Variants in ULK1 observed in about 807,000 individuals in gnomAD.
ULK1 encodes unc-51 like autophagy activating kinase 1.
Under a neutral mutation model 117.5 loss-of-function variants are expected in ULK1, and 48 were observed. That is an observed-to-expected ratio of 0.41 (90% confidence interval 0.32 to 0.52). ULK1 has a LOEUF of 0.52. Among genes scored for constraint, ULK1 ranks in the 20% least tolerant of loss-of-function variants. The probability of loss-of-function intolerance (pLI) is 0.29; values close to 1 mark genes in which losing one functional copy is unlikely to be tolerated. For missense variants in ULK1, 1,387 were observed against 1,473.4 expected (o/e 0.94, Z 0.96); for synonymous variants, 790 against 637.8 (o/e 1.24, Z -3.60).
At chr12:131,907,457 G>T in intron 4 of ULK1, 38 bp from the exon 5 acceptor site, 1 of 1,609,768 alleles carries the variant, frequency 6.2e-7, no homozygotes. Context: ...TGGGCCCTGG[G>T]CCCTGCTGCA....
intron 3 of ULK1, chr12:131,897,259 A>C (rs1593256974): frequency 6.6e-6 from 1 of 152,356 alleles, no homozygotes; most frequent in East Asian, 1.9e-4. Context: ...TGTTTGAGGC[A>C]GGCACCCAAA....
rs530350054 is a variant in ULK1, at chr12:131,905,969, T to TGAGAC, written c.247-921_247-917dup. On this transcript the variant is annotated intron_variant, in intron 3 of 27. Coordinates refer to ENST00000321867, the MANE Select transcript of ULK1 (RefSeq NM_003565.4). ...TTGGCCCAGCAGCGGAGGGGGTGGC[T>TGAGAC]GAGACGCCTCTGACCGAAGGCATTG... Among the ~76,000 whole-genome samples the TGAGAC allele has an allele frequency of 2.6e-5, 4 of 152,330 alleles. No individual in the cohort carries two copies. The East Asian group carries it at 7.7e-4, about 29-fold the overall frequency.
chr12:131,908,482 C>A, intron 5 of ULK1, 162 bp from the exon 6 acceptor site: 3 of 799,164 alleles, frequency 3.8e-6, no homozygotes, highest in Non-Finnish European at 5.5e-6. Context: ...CTGGTCTCGG[C>A]GGCCCGTGGT....
intron 3 of ULK1, among the ~76,000 whole-genome samples, chr12:131,901,016 A>G (rs2136380829): frequency 6.6e-6 from 1 of 151,848 alleles, no homozygotes. Flanking sequence ...CAGTTCTGGA[A>G]TTACCTCCGA....
At chr12:131,901,355 CAAAAAAA>C (rs199720837) in intron 3 of ULK1, among the ~76,000 whole-genome samples, 3,265 of 100,862 alleles carry the variant, frequency 0.032, 171 homozygotes, top group South Asian at 0.14. Context: ...AGACTCGTCT[CAAAAAAA>C]AAAAAAAGAA....
At chr12:131,919,673 G>A in intron 25 of ULK1, 83 bp downstream of exon 25, 2 of 1,457,662 alleles carry the variant, frequency 1.4e-6, no homozygotes, top group Non-Finnish European at 1.9e-6. Context: ...GGGTAACAGG[G>A]AGGCTGCTTG....
At chr12:131,901,805 G>A (rs1889101216) in intron 3 of ULK1, among the ~76,000 whole-genome samples, 1 of 152,064 alleles carries the variant, frequency 6.6e-6, no homozygotes, top group South Asian at 2.1e-4. Context: ...TTACTGGGGT[G>A]TGCGCCAACT....
At chr12:131,910,464 C>T (rs556258132) in intron 11 of ULK1, among the ~76,000 whole-genome samples, 160 bp downstream of exon 11, 1 of 152,244 alleles carries the variant, frequency 6.6e-6, no homozygotes. Context: ...TCTGCTGCAG[C>T]GGGGACCCCA....
At chr12:131,900,916 G>A (rs551366782) in intron 3 of ULK1, among the ~76,000 whole-genome samples, 120 of 152,324 alleles carry the variant, frequency 7.9e-4, no homozygotes, top group Non-Finnish European at 2.8e-4. Flanking sequence ...TGCAGTGTGA[G>A]TTGGGGCAGG....
rs998943309 is a variant in ULK1, at chr12:131,913,049, C to T, written c.1097-149C>T. ...GAGGATGCAGCCTGGACTGTACCAC[C>T]CAGGCTCTGCCCCCCGCAAGGCCGC... is the stretch of plus-strand genomic sequence containing the variant. On this transcript the variant is annotated intron_variant, in intron 13 of 27. Transcript: ENST00000321867. The T allele has an allele frequency of 3.3e-5, 22 of 670,152 alleles. No individual in the cohort carries two copies. The Middle Eastern group carries it at 1.3e-3, about 39-fold the overall frequency. 41.5% of individuals were successfully genotyped at this position (670,152 alleles called of 1,614,324 possible). A position where few individuals can be genotyped will look rare whatever the true frequency, so the allele number is the denominator to read the frequency against.
At chr12:131,909,368 C>T (rs1889419277) in intron 8 of ULK1, 131 bp downstream of exon 8, 12 of 1,063,014 alleles carry the variant, frequency 1.1e-5, no homozygotes, top group Non-Finnish European at 1.4e-5. Context: ...GCGGGGCGGG[C>T]GTCCAGGGGT....
At position 131,908,807 on chromosome 12, in the gene ULK1, C is replaced by T. The variant is rs755560080; in HGVS notation, c.480C>T (p.Arg160=). Residue 160 remains arginine, a synonymous_variant, in exon 6 of 28, where the codon CGC becomes CGT. Transcript: ENST00000321867. Reference sequence around the variant, plus strand: ...GCCGCGCCAACCCCAACAGCATCCGCGTCAAGATCGGTCAGCCCGCGGGCA... The same window carrying T: ...GCCGCGCCAACCCCAACAGCATCCGTGTCAAGATCGGTCAGCCCGCGGGCA... The part of the protein sequence containing the change: ...AGRRANPNSI[R]VKIADFGFAR... The T allele has an allele frequency of 1.2e-6, 2 of 1,606,434 alleles. No homozygotes were observed. Among genetic ancestry groups the T allele is most frequent in the Non-Finnish European group, 8.5e-7 (1 of 1,177,168 alleles).
chr12:131,915,937 C>A lies in ULK1; in HGVS notation c.1656C>A (p.Cys552Ter). 6.2e-7 allele frequency: 1 copy of A among 1,612,424 alleles called. No homozygotes were observed. Among genetic ancestry groups the A allele is most frequent in the Non-Finnish European group, 8.5e-7 (1 of 1,179,834 alleles). Reference sequence around the variant, plus strand: ...CTCCCCGCACTTCCGGGCTGGGCTGCCGCCTGCACAGCGCCCCCAACCTGT... The same window carrying A: ...CTCCCCGCACTTCCGGGCTGGGCTGACGCCTGCACAGCGCCCCCAACCTGT... Reference protein sequence around the residue: ...EHSPRTSGLGCRLHSAPNLSD... With the variant: ...EHSPRTSGLG The change falls in exon 19 of 28, where the codon TGC becomes TGA. Residue 552 changes from cysteine (C) to a stop codon, truncating the protein, a stop_gained. Coordinates refer to ENST00000321867, the MANE Select transcript of ULK1 (RefSeq NM_003565.4). LOFTEE classifies it high-confidence loss of function.
intron 3 of ULK1, among the ~76,000 whole-genome samples, chr12:131,896,251 G>A (rs946088140): frequency 4.6e-5 from 7 of 152,198 alleles, no homozygotes; most frequent in African/African-American, 1.4e-4. Context: ...GGGAGGGGCC[G>A]CCGGAGACTC....
chr12:131,921,889 GCGATTCCTGGCAGTGGCCTGGTGTT>G lies in ULK1; in HGVS notation c.*529_*553del. On this transcript the variant is annotated 3_prime_UTR_variant, in exon 28 of 28. Transcript: ENST00000321867. ...GGACCTCACCAGGGACTGCTGGGCA[GCGATTCCTGGCAGTGGCCTGGTGTT>G]TGTACATACACATATGCAGACACAT... 6.6e-6 allele frequency: 3 copies of G among 457,870 alleles called. No homozygotes were observed. Among genetic ancestry groups the G allele is most frequent in the Non-Finnish European group, 1.3e-5 (3 of 227,990 alleles). The allele number at this position is 457,870 out of a possible 1,614,324, so 28.4% of individuals were successfully genotyped here.
intron 5 of ULK1, among the ~76,000 whole-genome samples, 200 bp from the exon 6 acceptor site, chr12:131,908,444 G>T (rs540775193): frequency 6.6e-6 from 1 of 151,528 alleles, no homozygotes; most frequent in Non-Finnish European, 1.5e-5. Flanking sequence ...CGGCGCGCCG[G>T]GCTCTGCGCA....
At chr12:131,915,014 G>C in intron 16 of ULK1, 69 bp from the exon 17 acceptor site, 2 of 1,502,284 alleles carry the variant, frequency 1.3e-6, no homozygotes, top group Non-Finnish European at 1.8e-6. Context: ...TTGTCCCCAG[G>C]TCCTCTGCCG....
Position 131,916,517 on chromosome 12 carries a change from G to A in ULK1, c.1998G>A (p.Glu666=). 1 of 1,611,760 alleles carries A rather than the reference G, an allele frequency of 6.2e-7. No homozygotes were observed. The highest frequency in any genetic ancestry group is 8.5e-7 in the Non-Finnish European group (1 of 1,179,780). Residue 666 remains glutamate (E), a synonymous_variant, in exon 20 of 28, where the codon GAG becomes GAA. Coordinates refer to ENST00000321867, the MANE Select transcript of ULK1 (RefSeq NM_003565.4). ...ACCGGACGCTGCCCGACCTCTCGGA[G>A]GTGGGACCCTTCCATGGTCAGCCGT... ...PRNRTLPDLS[E]VGPFHGQPLG... is the part of the protein sequence containing the mutation.
Position 131,921,192 on chromosome 12 carries a change from G to A in ULK1, c.3054G>A (p.Gln1018=), listed in dbSNP as rs751509673. 8 of 1,606,456 alleles carry A rather than the reference G, an allele frequency of 5.0e-6. No homozygotes were observed. Among genetic ancestry groups the A allele is most frequent in the Middle Eastern group, 1.7e-4 (1 of 6,060 alleles). Residue 1018 remains glutamine, a synonymous_variant, in exon 27 of 28, where the codon CAG becomes CAA. Transcript: ENST00000321867. ...CCCTGCTGCTCCTGGAGGGGCTGCA[G>A]CACATGCTCTCGGACCAGGCCGACA... The part of the protein sequence containing the change: ...HKALLLLEGL[Q]HMLSDQADIE...
Sources: gnomAD v4.1 joint callset for allele counts (sites outside exome capture counted in the v4.1 genomes callset) on GRCh38, gnomAD v4.1.1 for gene constraint, MANE v1.5 for transcripts, NCBI Gene and HGNC (gene_info 2026-07-23, HGNC 2026-07-21) for gene names.